The following NLGN1 variants were observed in gnomAD, a reference collection of about 807,000 sequenced individuals.
NLGN1 encodes neuroligin-1.
In NLGN1, 12 loss-of-function variants were observed where a neutral mutation model predicts 65.5. That is an observed-to-expected ratio of 0.18 (90% CI 0.12 to 0.30). The LOEUF is 0.30. Ranked by LOEUF, NLGN1 falls within the 10% of genes least tolerant of loss-of-function variation. The pLI, the probability that NLGN1 is intolerant of heterozygous loss-of-function variation, is 1.00. For missense variants in NLGN1, 750 were observed against 1,007.1 expected (o/e 0.74, Z 3.46); for synonymous variants, 350 against 359.5 (o/e 0.97, Z 0.30).
intron 1 of NLGN1, among the ~76,000 whole-genome samples, chr3:173,427,984 G>A (rs1199221555): frequency 1.3e-5 from 2 of 149,874 alleles, no homozygotes; most frequent in African/African-American, 4.9e-5. Flanking sequence ...ATATATTTTT[G>A]TGATCCAGTG....
At chr3:174,064,061 GA>G (rs1480062645) in intron 4 of NLGN1, among the ~76,000 whole-genome samples, 2 of 152,028 alleles carry the variant, frequency 1.3e-5, no homozygotes, top group African/African-American at 2.4e-5. Context: ...AGAGCCGTTT[GA>G]ACCCGGGAGG....
intron 4 of NLGN1, among the ~76,000 whole-genome samples, chr3:173,934,208 G>A (rs963986459): frequency 2.7e-5 from 4 of 148,966 alleles, no homozygotes; most frequent in African/African-American, 7.4e-5. Context: ...AAAAAAACAC[G>A]AATATCTAAG....
At chr3:173,592,847 G>A (rs1748766607) in intron 2 of NLGN1, among the ~76,000 whole-genome samples, 1 of 152,034 alleles carries the variant, frequency 6.6e-6, no homozygotes, top group South Asian at 2.1e-4. Context: ...ATCATAGTTT[G>A]GATAAGATCT....
At chr3:173,559,246 G>A (rs113511789) in intron 2 of NLGN1, among the ~76,000 whole-genome samples, 33 of 152,248 alleles carry the variant, frequency 2.2e-4, no homozygotes, top group Middle Eastern at 6.8e-3. Flanking sequence ...AAATTCAATA[G>A]GCGAGAATTG....
At chr3:173,496,877 T>C (rs1730113639) in intron 2 of NLGN1, among the ~76,000 whole-genome samples, 1 of 151,912 alleles carries the variant, frequency 6.6e-6, no homozygotes, top group South Asian at 2.1e-4. Context: ...ATTTTGAATC[T>C]TAGCGCTTCT....
chr3:173,845,825 T>C (rs1371918992), intron 4 of NLGN1, among the ~76,000 whole-genome samples: 2 of 152,212 alleles, frequency 1.3e-5, no homozygotes, highest in African/African-American at 4.8e-5. Flanking sequence ...TTTTTTTCAA[T>C]AATACTTAGT....
chr3:174,010,174 C>G (rs906735865), intron 4 of NLGN1, among the ~76,000 whole-genome samples: 1 of 152,112 alleles, frequency 6.6e-6, no homozygotes, highest in African/African-American at 2.4e-5. Context: ...CAAATCAAAA[C>G]ATAATACCTC....
intron 3 of NLGN1, among the ~76,000 whole-genome samples, chr3:173,669,609 C>T (rs1183410434): frequency 1.3e-5 from 2 of 152,208 alleles, no homozygotes; most frequent in African/African-American, 4.8e-5. Flanking sequence ...ACACCCACAG[C>T]AACCTTATTT....
chr3:174,181,926 A>G (rs1730498048), intron 4 of NLGN1, among the ~76,000 whole-genome samples: 1 of 146,902 alleles, frequency 6.8e-6, no homozygotes, highest in African/African-American at 2.5e-5. Flanking sequence ...GCAGTGAGCC[A>G]TGACAGCACC....
At chr3:173,793,550 A>G (rs1422827546) in intron 3 of NLGN1, among the ~76,000 whole-genome samples, 1 of 152,156 alleles carries the variant, frequency 6.6e-6, no homozygotes, top group African/African-American at 2.4e-5. Flanking sequence ...ATCAATTAAA[A>G]TATGTTAATT....
chr3:173,986,841 C>T (rs1266090374), intron 4 of NLGN1, among the ~76,000 whole-genome samples: 1 of 152,174 alleles, frequency 6.6e-6, no homozygotes, highest in East Asian at 1.9e-4. Flanking sequence ...GGACAGTGAA[C>T]AATCTTCCTC....
chr3:173,421,288 A>G (rs1171757885), intron 1 of NLGN1, among the ~76,000 whole-genome samples: 2 of 151,960 alleles, frequency 1.3e-5, no homozygotes, highest in Non-Finnish European at 2.9e-5. Flanking sequence ...ACAAGTGTCT[A>G]TTTTTAAAGC....
intron 4 of NLGN1, among the ~76,000 whole-genome samples, chr3:174,178,078 A>G (rs1729766796): frequency 6.6e-6 from 1 of 152,122 alleles, no homozygotes; most frequent in Non-Finnish European, 1.5e-5. Context: ...AAAAAAAGGT[A>G]AAGTGGCTTA....
At chr3:174,289,155 T>C (rs1419124381), downstream of NLGN1, among the ~76,000 whole-genome samples, 1 of 151,344 alleles carries the variant, frequency 6.6e-6, no homozygotes, top group East Asian at 1.9e-4. Context: ...AGACAGTGTG[T>C]AAAGTACTGA....
chr3:174,094,038 A>C (rs1303739706), intron 4 of NLGN1, among the ~76,000 whole-genome samples: 1 of 152,164 alleles, frequency 6.6e-6, no homozygotes, highest in Non-Finnish European at 1.5e-5. Flanking sequence ...ACAAATCTGA[A>C]CATAATCCAA....
intron 3 of NLGN1, among the ~76,000 whole-genome samples, chr3:173,756,679 G>T (rs1251739309): frequency 6.6e-6 from 1 of 151,392 alleles, no homozygotes; most frequent in East Asian, 1.9e-4. Context: ...GCTGATTACA[G>T]ATCTGTGTCA....
intron 3 of NLGN1, among the ~76,000 whole-genome samples, chr3:173,761,841 A>C (rs540066510): frequency 1.6e-4 from 25 of 152,204 alleles, no homozygotes; most frequent in Admixed American, 5.9e-4. Context: ...ACCAGGGAAA[A>C]ATCAGTGAAT....
chr3:173,880,761 A>G (rs1241152072), intron 4 of NLGN1, among the ~76,000 whole-genome samples: 1 of 152,170 alleles, frequency 6.6e-6, no homozygotes, highest in Non-Finnish European at 1.5e-5. Context: ...TTCTTAAAGT[A>G]AGACAACAAG....
chr3:173,499,828 G>A (rs1014267404), intron 2 of NLGN1, among the ~76,000 whole-genome samples: 1 of 151,860 alleles, frequency 6.6e-6, no homozygotes, highest in Non-Finnish European at 1.5e-5. Context: ...TTGTGAATGG[G>A]AGTTCACTCA....
Sources: gnomAD v4.1 joint callset for allele counts (sites outside exome capture counted in the v4.1 genomes callset) on GRCh38, gnomAD v4.1.1 for gene constraint, MANE v1.5 for transcripts, NCBI Gene and HGNC (gene_info 2026-07-23, HGNC 2026-07-21) for gene names.